Variants in DAB1 observed in about 807,000 individuals in gnomAD.
The protein encoded by DAB1 is disabled homolog 1.
DAB1 carries 15 observed loss-of-function variants against 64.6 expected under a neutral mutation model. The ratio of observed to expected loss-of-function variants is 0.23; its 90% confidence interval spans 0.16 to 0.36. DAB1 has a LOEUF of 0.36. DAB1 is among the 10% of genes least tolerant of loss of function. The pLI is 1.00. For synonymous variants in DAB1, 235 were observed against 251.9 expected (o/e 0.93, Z 0.64); for missense variants, 596 against 706.7 (o/e 0.84, Z 1.78).
chr1:57,569,193 A>G (rs1442945582), intron 7 of DAB1, among the ~76,000 whole-genome samples: 2 of 134,996 alleles, frequency 1.5e-5, no homozygotes, highest in Non-Finnish European at 3.1e-5. Flanking sequence ...CAGGGGGCGG[A>G]GCCTGCAGTG....
At chr1:57,349,560 GA>G (rs889348667) in intron 1 of DAB1, among the ~76,000 whole-genome samples, 6 of 152,160 alleles carry the variant, frequency 3.9e-5, no homozygotes, top group African/African-American at 1.4e-4. Flanking sequence ...TGAAATGTTT[GA>G]AAATAATCTC....
intron 2 of DAB1, among the ~76,000 whole-genome samples, chr1:57,283,841 G>C (rs1203778108): frequency 6.6e-6 from 1 of 152,170 alleles, no homozygotes; most frequent in Non-Finnish European, 1.5e-5. Context: ...CATTGCCCAG[G>C]GGAGTGACCA....
chr1:57,466,258 T>C (rs952238397), intron 7 of DAB1, among the ~76,000 whole-genome samples: 1 of 152,228 alleles, frequency 6.6e-6, no homozygotes, highest in Non-Finnish European at 1.5e-5. Context: ...TTGGAATTTG[T>C]AATTTCTGTA....
At chr1:57,717,746 G>A (rs1003548471) in intron 6 of DAB1, among the ~76,000 whole-genome samples, 1 of 151,786 alleles carries the variant, frequency 6.6e-6, no homozygotes, top group African/African-American at 2.4e-5. Context: ...ACATATATGT[G>A]TATATATATA....
At chr1:57,807,589 G>C (rs921897367) in intron 6 of DAB1, among the ~76,000 whole-genome samples, 1 of 152,162 alleles carries the variant, frequency 6.6e-6, no homozygotes, top group Non-Finnish European at 1.5e-5. Flanking sequence ...TGTCTTCTAT[G>C]CTGAATTATT....
intron 1 of DAB1, among the ~76,000 whole-genome samples, chr1:57,845,260 T>A (rs1432220143): frequency 6.6e-6 from 1 of 152,196 alleles, no homozygotes; most frequent in Non-Finnish European, 1.5e-5. Context: ...CACAATCTGA[T>A]GATTAAACTG....
At chr1:57,270,810 C>T (rs568430465) in intron 2 of DAB1, among the ~76,000 whole-genome samples, 2 of 152,270 alleles carry the variant, frequency 1.3e-5, no homozygotes, top group African/African-American at 2.4e-5. Context: ...CCTATTAGTG[C>T]CAGGCACCTT....
At chr1:57,017,375 A>G (rs904213008) in intron 11 of DAB1, among the ~76,000 whole-genome samples, 2 of 152,168 alleles carry the variant, frequency 1.3e-5, no homozygotes, top group Admixed American at 6.5e-5. Flanking sequence ...CAAAGGGACA[A>G]TGGGTGGGCG....
At chr1:57,484,845 T>C (rs924160683) in intron 7 of DAB1, among the ~76,000 whole-genome samples, 3 of 152,142 alleles carry the variant, frequency 2.0e-5, no homozygotes, top group African/African-American at 4.8e-5. Context: ...TAGAAGTTGA[T>C]GTCACATAGG....
chr1:57,187,631 A>G (rs1663703840), intron 2 of DAB1, among the ~76,000 whole-genome samples: 3 of 152,216 alleles, frequency 2.0e-5, no homozygotes, highest in Admixed American at 2.0e-4. Context: ...CAAGGTAAGA[A>G]TTTGAAAATA....
At chr1:58,423,535 C>T (rs532213422) in intron 3 of DAB1, among the ~76,000 whole-genome samples, 1 of 152,298 alleles carries the variant, frequency 6.6e-6, no homozygotes, top group African/African-American at 2.4e-5. Context: ...TGCCATGAGG[C>T]CGACCTCCAA....
At chr1:57,439,433 T>TTTTTTTTGTTTTTTTTTTTGTTTTG in intron 7 of DAB1, among the ~76,000 whole-genome samples, 1 of 131,986 alleles carries the variant, frequency 7.6e-6, no homozygotes, top group Non-Finnish European at 1.6e-5. Flanking sequence ...TTCTTTTTTT[T>TTTTTTTTGTTTTTTTTTTTGTTTTG]TTTTTTTTTT....
chr1:57,836,268 T>C (rs780103575), intron 1 of DAB1, among the ~76,000 whole-genome samples: 1 of 152,204 alleles, frequency 6.6e-6, no homozygotes, highest in Non-Finnish European at 1.5e-5. Flanking sequence ...AAATGTAATA[T>C]AGCTAATCTG....
At chr1:58,419,852 C>A (rs1247516510) in intron 3 of DAB1, among the ~76,000 whole-genome samples, 4 of 152,162 alleles carry the variant, frequency 2.6e-5, no homozygotes, top group African/African-American at 4.8e-5. Flanking sequence ...TCTAAAGTTT[C>A]CAAGGTCCTA....
rs539908288 is a variant in DAB1 at position 57,598,648 on chromosome 1, G to C, written n.625+50944C>G. On this transcript the variant is annotated intron_variant and non_coding_transcript_variant, in intron 7 of 20. Coordinates refer to the DAB1 transcript ENST00000485760. ...TGCCATCTAGCAGGGAGGCTGGTGG[G>C]CTGGCTGTATGGGCAGTGACAGGGG... 2.0e-3 allele frequency among the ~76,000 whole-genome samples: 305 copies of C among 152,270 alleles called. 1 individual carries two copies. The highest frequency in any genetic ancestry group is 6.8e-3 in the African/African-American group (282 of 41,544).
rs147457526 is a variant in DAB1, at chr1:57,166,391, A to G, written c.68-20962T>C. Among the ~76,000 whole-genome samples the G allele has an allele frequency of 2.8e-4, 43 of 152,322 alleles. No homozygotes were observed. In the East Asian group the frequency reaches 5.6e-3, roughly 20 times the overall value. On this transcript the variant is annotated intron_variant, in intron 2 of 14. Transcript: ENST00000371236. ...ACAAATTATAGGTGCACTAAATTAT[A>G]AGGCCTTTGTATAACCTCGAGGAAT...
intron 4 of DAB1, among the ~76,000 whole-genome samples, chr1:58,300,797 C>T (rs1454289693): frequency 3.3e-5 from 5 of 151,956 alleles, no homozygotes; most frequent in Admixed American, 2.6e-4. Flanking sequence ...CCAATGCATA[C>T]AGTTCTGCAC....
At chr1:57,022,595 C>T (rs1269807427) in intron 11 of DAB1, among the ~76,000 whole-genome samples, 1 of 152,170 alleles carries the variant, frequency 6.6e-6, no homozygotes, top group East Asian at 1.9e-4. Flanking sequence ...TGAATAAAAG[C>T]ACAGTTTATA....
intron 3 of DAB1, among the ~76,000 whole-genome samples, chr1:58,364,812 AT>A (rs1270831972): frequency 3.3e-5 from 5 of 152,188 alleles, no homozygotes; most frequent in Non-Finnish European, 7.4e-5. Context: ...AGTGTTTACA[AT>A]TTCTTTTTTC....
Sources: gnomAD v4.1 joint callset for allele counts (sites outside exome capture counted in the v4.1 genomes callset) on GRCh38, gnomAD v4.1.1 for gene constraint, MANE v1.5 for transcripts, NCBI Gene and HGNC (gene_info 2026-07-23, HGNC 2026-07-21) for gene names.